The following EP400 variants were observed in gnomAD, a reference collection of about 807,000 sequenced individuals.
EP400 encodes E1A-binding protein p400.
Under a neutral mutation model 354.1 loss-of-function variants are expected in EP400, and 105 were observed. That is an observed-to-expected ratio of 0.30 (90% CI 0.25 to 0.35). The LOEUF is 0.35. Ranked by LOEUF, EP400 falls within the 10% of genes least tolerant of loss-of-function variation. The probability of loss-of-function intolerance (pLI) is 1.00; values close to 1 mark genes in which losing one functional copy is unlikely to be tolerated. For missense variants in EP400, 3,280 were observed against 4,121.0 expected, an observed-to-expected ratio of 0.80 and a Z score of 5.59; for synonymous variants, 1,646 against 1,716.9, an observed-to-expected ratio of 0.96 and a Z score of 1.02.
chr12:132,072,336 C>T (rs1896092674), intron 51 of EP400, among the ~76,000 whole-genome samples: 1 of 152,188 alleles, frequency 6.6e-6, no homozygotes, highest in Non-Finnish European at 1.5e-5. Context: ...TGGAGTACCA[C>T]CTGAGCTTAT....
chr12:132,058,179 G>A (rs1164677817), intron 45 of EP400, among the ~76,000 whole-genome samples: 1 of 152,126 alleles, frequency 6.6e-6, no homozygotes, highest in Non-Finnish European at 1.5e-5. Flanking sequence ...GAAGGGAATG[G>A]CGTGCATGGA....
intron 47 of EP400, among the ~76,000 whole-genome samples, chr12:132,063,071 A>G (rs1895760714): frequency 6.6e-6 from 1 of 152,150 alleles, no homozygotes; most frequent in African/African-American, 2.4e-5. Flanking sequence ...CAGTGTTGGG[A>G]GAGCAGGCGA....
chr12:132,019,438 T>C (rs908193383), intron 21 of EP400, among the ~76,000 whole-genome samples: 30 of 152,134 alleles, frequency 2.0e-4, no homozygotes, highest in Admixed American at 6.5e-5. Context: ...GCACAGTGGC[T>C]CATGCCTGTA....
chr12:132,044,618 A>G, intron 35 of EP400, 53 bp from the exon 36 acceptor site: 1 of 1,608,868 alleles, frequency 6.2e-7, no homozygotes, highest in East Asian at 2.2e-5. Flanking sequence ...TTTGTGGCTT[A>G]TAACATGACA....
At position 132,013,271 on chromosome 12, in the gene EP400, T is replaced by C; in HGVS notation, c.3611+93T>C. The C allele has an allele frequency of 1.4e-6, 2 of 1,480,200 alleles. No homozygotes were observed. Among genetic ancestry groups the C allele is most frequent in the Non-Finnish European group, 9.0e-7 (1 of 1,106,890 alleles). 91.7% of individuals were successfully genotyped at this position (1,480,200 alleles called of 1,614,324 possible). ...TCTGCATAATTGCAGACACAAACAA[T>C]GGCCTTTGAGCTAGAGAATTGCTTT... On this transcript the variant is annotated intron_variant, in intron 17 of 52. Coordinates refer to ENST00000389561, the MANE Select transcript of EP400 (RefSeq NM_015409.5). This position sits in a 1 kb window ranked among gnomAD's most constrained non-coding sequence, Gnocchi z 4.5.
Position 132,013,314 on chromosome 12 carries a change from C to T in EP400, c.3611+136C>T. 7.0e-7 allele frequency: 1 copy of T among 1,418,878 alleles called. No homozygotes were observed. The highest frequency in any genetic ancestry group is 1.4e-5 in the South Asian group (1 of 71,640). 87.9% of individuals were successfully genotyped at this position (1,418,878 alleles called of 1,614,324 possible). A position where few individuals can be genotyped will look rare whatever the true frequency, so the allele number is the denominator to read the frequency against. Reference sequence around the variant, plus strand: ...ATTGCTTTTCATCTTCATCCCAGCACATGGGCCAGAGAGCCCCAGAGCTGG... The same window carrying T: ...ATTGCTTTTCATCTTCATCCCAGCATATGGGCCAGAGAGCCCCAGAGCTGG... On this transcript the variant is annotated intron_variant, in intron 17 of 52. Coordinates refer to ENST00000389561, the MANE Select transcript of EP400 (RefSeq NM_015409.5). This position sits in a 1 kb window ranked among gnomAD's most constrained non-coding sequence, Gnocchi z 4.5.
intron 12 of EP400, among the ~76,000 whole-genome samples, chr12:132,000,414 T>A (rs930696577): frequency 2.0e-5 from 3 of 152,208 alleles, no homozygotes; most frequent in African/African-American, 7.2e-5. Context: ...CATACATGCT[T>A]TAAAACAACA....
chr12:131,982,548 G>C, intron 5 of EP400, 70 bp downstream of exon 5: 7 of 1,518,186 alleles, frequency 4.6e-6, no homozygotes, highest in Non-Finnish European at 6.2e-6. Flanking sequence ...GTGTTAGACA[G>C]AGTGTCACAC....
At chr12:132,008,067 G>C (rs1893644564) in intron 15 of EP400, among the ~76,000 whole-genome samples, 2 of 152,138 alleles carry the variant, frequency 1.3e-5, no homozygotes, top group South Asian at 4.1e-4. Context: ...TCCAGCCTCA[G>C]CCTCCCAAGT....
At chr12:132,062,034 C>T in intron 45 of EP400, 76 bp from the exon 46 acceptor site, 1 of 1,365,324 alleles carries the variant, frequency 7.3e-7, no homozygotes, top group Non-Finnish European at 1.0e-6. Flanking sequence ...GTGCTCTTGT[C>T]TTCCCTGCTC....
chr12:132,013,952 C>T lies in EP400; in HGVS notation c.3923+39C>T. The T allele has an allele frequency of 6.2e-7, 1 of 1,602,598 alleles. No individual in the cohort carries two copies. The highest frequency in any genetic ancestry group is 8.5e-7 in the Non-Finnish European group (1 of 1,174,820). On this transcript the variant is annotated intron_variant, in intron 19 of 52. Transcript: ENST00000389561. This position sits in a 1 kb window ranked among gnomAD's most constrained non-coding sequence, Gnocchi z 4.5. ...CTGGGCATGTGCCCCCTTTGCTGTC[C>T]CTGCCTGTGAGGGAAAACGGCCCTT...
intron 2 of EP400, among the ~76,000 whole-genome samples, chr12:131,974,834 C>CA (rs1367735731): frequency 5.3e-5 from 8 of 151,522 alleles, no homozygotes; most frequent in Non-Finnish European, 1.0e-4. Flanking sequence ...CTTAAAAATA[C>CA]AAAAAATTAG....
Position 132,055,104 on chromosome 12 carries a change from G to T in EP400, c.7780G>T (p.Val2594Leu). The change falls in exon 45 of 53, where the codon GTG becomes TTG. Residue 2594 changes from valine (V) to leucine (L), a missense_variant. Coordinates refer to ENST00000389561, the MANE Select transcript of EP400 (RefSeq NM_015409.5). ...ATGCCCGCCTGTCTCCGCAGGTGCCGTGAGTGGAAATGTGATCGTGAACAC... is the reference window on the plus strand; with the variant it reads ...ATGCCCGCCTGTCTCCGCAGGTGCCTTGAGTGGAAATGTGATCGTGAACAC... ...VTGTSMPTGA[V>L]SGNVIVNTIA... The T allele has an allele frequency of 6.2e-7, 1 of 1,613,684 alleles. No homozygotes were observed. The highest frequency in any genetic ancestry group is 8.5e-7 in the Non-Finnish European group (1 of 1,179,802).
Position 132,013,189 on chromosome 12 carries a change from T to G in EP400, c.3611+11T>G, listed in dbSNP as rs796935860. The G allele has an allele frequency of 1.3e-6, 2 of 1,599,402 alleles. No homozygotes were observed. The highest frequency in any genetic ancestry group is 1.7e-6 in the Non-Finnish European group (2 of 1,170,026). The stretch of plus-strand genomic sequence containing the variant: ...TTTCACCCTGCAGAGGTCTGTGTGT[T>G]ACGCGCTTGTCATTGAGTGTTCTTT... On this transcript the variant is annotated intron_variant, in intron 17 of 52. Transcript: ENST00000389561. This position sits in a 1 kb window ranked among gnomAD's most constrained non-coding sequence, Gnocchi z 4.5.
rs1895925737 is a variant in EP400, at chr12:132,067,367, A to T, written c.8755A>T (p.Thr2919Ser). The T allele has an allele frequency of 1.2e-6, 2 of 1,613,288 alleles. No individual in the cohort carries two copies. ...IGQPQKAAGQTVVAQPVHMQQ... is the reference protein window; with the variant it reads ...IGQPQKAAGQSVVAQPVHMQQ... ...GGGGCTTTTGCTGCCTGCAGGACAG[A>T]CCGTGGTGGCCCAGCCCGTGCACAT... Residue 2919 changes from threonine to serine, a missense_variant, in exon 50 of 53, where the codon ACC (threonine) becomes TCC (serine). Thr to Ser is a moderately conservative substitution (Grantham distance 58, BLOSUM62 1). Transcript: ENST00000389561. This position sits in a 1 kb window ranked among gnomAD's most constrained non-coding sequence, Gnocchi z 5.3.
chr12:132,061,481 G>A (rs1237063358), intron 45 of EP400, among the ~76,000 whole-genome samples: 4 of 152,230 alleles, frequency 2.6e-5, no homozygotes, highest in African/African-American at 9.7e-5. Context: ...AGGTCAGCTG[G>A]AGGGACACTG....
intron 29 of EP400, among the ~76,000 whole-genome samples, chr12:132,031,660 A>G (rs1354877150): frequency 6.6e-6 from 1 of 152,122 alleles, no homozygotes; most frequent in Non-Finnish European, 1.5e-5. Context: ...GGTTCACGCC[A>G]TTCTCCTGCC....
chr12:132,045,177 C>T, intron 37 of EP400, 142 bp from the exon 38 acceptor site: 3 of 1,381,886 alleles, frequency 2.2e-6, no homozygotes, highest in Non-Finnish European at 2.9e-6. Flanking sequence ...GGCCCGAAAG[C>T]AGGTCTGTCT....
intron 19 of EP400, among the ~76,000 whole-genome samples, chr12:132,016,750 C>T (rs554375110): frequency 5.3e-5 from 8 of 152,336 alleles, no homozygotes; most frequent in East Asian, 1.9e-4. Context: ...GAGCTCCTCA[C>T]GTCCGGCGTG....
Sources: gnomAD v4.1 joint callset for allele counts (sites outside exome capture counted in the v4.1 genomes callset) on GRCh38, gnomAD v4.1.1 for gene constraint, Gnocchi (gnomAD v3.1) non-coding constraint, MANE v1.5 for transcripts, NCBI Gene and HGNC (gene_info 2026-07-23, HGNC 2026-07-21) for gene names.